AIMP1: variants seen among roughly 807,000 people sequenced by gnomAD.
AIMP1 encodes the protein aminoacyl tRNA synthase complex-interacting multifunctional protein 1.
A neutral mutation model predicts 33.1 loss-of-function variants in AIMP1; 24 were observed. That is an observed-to-expected ratio of 0.73 (90% confidence interval 0.53 to 1.02). The LOEUF (loss-of-function observed/expected upper bound fraction) is 1.02. AIMP1 is among the 50% of genes least tolerant of loss of function. The pLI is 0.00. For missense variants in AIMP1, 367 were observed against 364.8 expected, an observed-to-expected ratio of 1.01 and a Z score of -0.05; for synonymous variants, 120 against 121.5, an observed-to-expected ratio of 0.99 and a Z score of 0.08.
In AIMP1 at chr4:106,331,187, C is replaced by G. The variant is rs138155043; in HGVS notation, c.392-485C>G. The stretch of plus-strand genomic sequence containing the variant: ...TCATTTGGGTACTGGTTGTGGTGTT[C>G]TTTCTAAATAAAGTATTTATCACCT... On this transcript the variant is annotated intron_variant, in intron 4 of 6. Transcript: ENST00000672341. Among the ~76,000 whole-genome samples the G allele has an allele frequency of 5.8e-3, 890 of 152,226 alleles. 9 individuals are homozygous for G. Among genetic ancestry groups the G allele is most frequent in the African/African-American group, 0.02 (833 of 41,540 alleles).
intron 4 of AIMP1, among the ~76,000 whole-genome samples, chr4:106,329,273 A>C (rs2125922820): frequency 6.6e-6 from 1 of 152,336 alleles, no homozygotes; most frequent in East Asian, 1.9e-4. Context: ...GTACGTTAAG[A>C]AGTAGACACA....
rs1340647920 is a variant in AIMP1, at chr4:106,347,517, C to T, written c.773-9C>T. 5.0e-6 allele frequency: 8 copies of T among 1,605,464 alleles called. No individual in the cohort carries two copies. Among genetic ancestry groups the T allele is most frequent in the Non-Finnish European group, 6.8e-6 (8 of 1,176,340 alleles). ...TGTAATTTTCTTGTGCTTTTTTTCT[C>T]CTACACAGGAGAGCCTGACAAGGAG... On this transcript the variant is annotated splice_polypyrimidine_tract_variant and intron_variant, in intron 6 of 6. Coordinates refer to ENST00000672341, the MANE Select transcript of AIMP1 (RefSeq NM_001142416.2).
At chr4:106,337,521 GC>G (rs1554001730) in intron 6 of AIMP1, among the ~76,000 whole-genome samples, 1 of 152,130 alleles carries the variant, frequency 6.6e-6, no homozygotes, top group Non-Finnish European at 1.5e-5. Flanking sequence ...TGATCGTGAG[GC>G]CTCTGCAGCC....
chr4:106,322,460 C>T (rs1404474048), intron 1 of AIMP1, among the ~76,000 whole-genome samples: 1 of 152,048 alleles, frequency 6.6e-6, no homozygotes, highest in African/African-American at 2.4e-5. Flanking sequence ...ATGCATCCAA[C>T]CTATATTTTT....
chr4:106,337,276 A>G (rs1233906701), intron 6 of AIMP1, among the ~76,000 whole-genome samples: 1 of 152,162 alleles, frequency 6.6e-6, no homozygotes, highest in Non-Finnish European at 1.5e-5. Flanking sequence ...TGGTTTGACT[A>G]TGTCCCCACC....
chr4:106,339,065 G>A (rs908171063), intron 6 of AIMP1, among the ~76,000 whole-genome samples: 1 of 152,218 alleles, frequency 6.6e-6, no homozygotes, highest in Non-Finnish European at 1.5e-5. Context: ...TTTACCCAAT[G>A]CCTGTACCCC....
In AIMP1 at chr4:106,316,917, AATTT is replaced by A. The variant is rs1768946328; in HGVS notation, c.-26+327_-26+330del. Among the ~76,000 whole-genome samples, 5 of 152,270 alleles carry A rather than the reference AATTT, an allele frequency of 3.3e-5. No homozygotes were observed. The South Asian group carries it at 1.0e-3, about 32-fold the overall frequency. On this transcript the variant is annotated intron_variant, in intron 1 of 6. Transcript: ENST00000672341. ...TGGGGGAGAGGAGGGTGAAGACAGG[AATTT>A]ATTCATTGAGCGAATAGTTATTAAG...
intron 4 of AIMP1, among the ~76,000 whole-genome samples, chr4:106,329,903 C>T (rs941163274): frequency 1.3e-5 from 2 of 149,532 alleles, no homozygotes; most frequent in African/African-American, 4.9e-5. Context: ...CTATCTTAGC[C>T]TCCCAAGTAG....
intron 1 of AIMP1, among the ~76,000 whole-genome samples, chr4:106,324,418 TAAAATTCTAATTTTTAA>T (rs1769382784): frequency 6.6e-6 from 1 of 152,034 alleles, no homozygotes; most frequent in South Asian, 2.1e-4. Context: ...ATTATAAAAC[TAAAATTCTAATTTTTAA>T]AATAAAGACA....
intron 2 of AIMP1, 86 bp from the exon 3 acceptor site, chr4:106,327,365 A>G: frequency 1.1e-6 from 1 of 949,104 alleles, no homozygotes; most frequent in South Asian, 1.4e-5. Flanking sequence ...TCCTAGCTGT[A>G]GTTATACTGG....
chr4:106,329,352 T>C (rs996761362), intron 4 of AIMP1, among the ~76,000 whole-genome samples: 2 of 152,362 alleles, frequency 1.3e-5, no homozygotes, highest in Non-Finnish European at 1.5e-5. Flanking sequence ...GAGGGTGCAC[T>C]GTTCTGACTC....
At chr4:106,333,324 A>G (rs1035097430) in intron 5 of AIMP1, among the ~76,000 whole-genome samples, 1 of 152,146 alleles carries the variant, frequency 6.6e-6, no homozygotes, top group Non-Finnish European at 1.5e-5. Flanking sequence ...TTGTATCATA[A>G]TTGCATCAAA....
At chr4:106,322,759 C>T (rs1330971892) in intron 1 of AIMP1, among the ~76,000 whole-genome samples, 1 of 152,038 alleles carries the variant, frequency 6.6e-6, no homozygotes, top group Non-Finnish European at 1.5e-5. Context: ...CCGAGGTGGG[C>T]AGATCAGTTG....
At chr4:106,322,786 C>T (rs1330096518) in intron 1 of AIMP1, among the ~76,000 whole-genome samples, 7 of 152,070 alleles carry the variant, frequency 4.6e-5, no homozygotes, top group Admixed American at 2.0e-4. Context: ...GTCAGGATTT[C>T]GAGACCAGCC....
At chr4:106,315,792 C>T (rs1233106546), upstream of AIMP1, 1 of 152,288 alleles carries the variant, frequency 6.6e-6, no homozygotes, top group African/African-American at 2.4e-5. Flanking sequence ...GAGACAGTAC[C>T]TATCAGCAAG....
At chr4:106,318,161 A>G (rs1285581632) in intron 1 of AIMP1, among the ~76,000 whole-genome samples, 1 of 152,230 alleles carries the variant, frequency 6.6e-6, no homozygotes, top group Non-Finnish European at 1.5e-5. Context: ...TCCATAAAAA[A>G]GCAATTTTAG....
chr4:106,338,819 C>A (rs1419402637), intron 6 of AIMP1, among the ~76,000 whole-genome samples: 1 of 152,208 alleles, frequency 6.6e-6, no homozygotes. Context: ...ACATTCAACT[C>A]CAGCCTGTGA....
intron 5 of AIMP1, among the ~76,000 whole-genome samples, chr4:106,333,956 T>C (rs762936589): frequency 1.3e-5 from 2 of 152,202 alleles, no homozygotes; most frequent in Non-Finnish European, 2.9e-5. Flanking sequence ...TTAAAAAATC[T>C]AGTAACAGTG....
chr4:106,339,332 A>G (rs1423553978), intron 6 of AIMP1, among the ~76,000 whole-genome samples: 4 of 152,168 alleles, frequency 2.6e-5, no homozygotes, highest in African/African-American at 4.8e-5. Flanking sequence ...TAGCTCCCAC[A>G]ATTTTCACCT....
Sources: gnomAD v4.1 joint callset for allele counts (sites outside exome capture counted in the v4.1 genomes callset) on GRCh38, gnomAD v4.1.1 for gene constraint, MANE v1.5 for transcripts, NCBI Gene and HGNC (gene_info 2026-07-23, HGNC 2026-07-21) for gene names.